Variants in PTPRK observed in about 807,000 individuals in gnomAD.
The protein encoded by PTPRK is receptor-type tyrosine-protein phosphatase kappa.
PTPRK carries 75 observed loss-of-function variants against 178.0 expected under a neutral mutation model. The ratio of observed to expected loss-of-function variants is 0.42; its 90% CI spans 0.35 to 0.51. PTPRK has a LOEUF of 0.51. Among genes scored for constraint, PTPRK ranks in the 20% least tolerant of loss-of-function variants. The probability of loss-of-function intolerance (pLI) is 0.02; values close to 1 mark genes in which losing one functional copy is unlikely to be tolerated. For missense variants in PTPRK, 1,441 were observed against 1,797.8 expected, an observed-to-expected ratio of 0.80 and a Z score of 3.59; for synonymous variants, 637 against 620.6, an observed-to-expected ratio of 1.03 and a Z score of -0.39.
At chr6:128,419,266 A>C (rs1048804251) in intron 1 of PTPRK, among the ~76,000 whole-genome samples, 2 of 152,188 alleles carry the variant, frequency 1.3e-5, no homozygotes, top group African/African-American at 4.8e-5. Context: ...TGGACACTAA[A>C]AGGGGGTAAG....
intron 3 of PTPRK, among the ~76,000 whole-genome samples, chr6:128,246,501 C>T (rs1815488249): frequency 6.6e-6 from 1 of 151,966 alleles, no homozygotes; most frequent in Admixed American, 6.6e-5. Context: ...TTGTCTTTGC[C>T]TCATTAACGA....
intron 2 of PTPRK, among the ~76,000 whole-genome samples, chr6:128,351,328 A>G (rs1426315047): frequency 6.6e-6 from 1 of 152,222 alleles, no homozygotes; most frequent in Non-Finnish European, 1.5e-5. Context: ...GTAGAAAATG[A>G]ACGCGAATTT....
At chr6:128,070,786 T>G (rs185090288) in intron 11 of PTPRK, among the ~76,000 whole-genome samples, 294 of 151,880 alleles carry the variant, frequency 1.9e-3, no homozygotes, top group African/African-American at 6.8e-3. Flanking sequence ...CATTACATTT[T>G]CACATATTAT....
At chr6:128,285,176 A>C (rs1444514133) in intron 3 of PTPRK, among the ~76,000 whole-genome samples, 1 of 152,218 alleles carries the variant, frequency 6.6e-6, no homozygotes, top group African/African-American at 2.4e-5. Context: ...TAATGTTCTC[A>C]GGCCACGCTG....
At chr6:128,379,782 T>C (rs1474883339) in intron 2 of PTPRK, among the ~76,000 whole-genome samples, 2 of 152,194 alleles carry the variant, frequency 1.3e-5, no homozygotes, top group Non-Finnish European at 2.9e-5. Flanking sequence ...ACTAGTTGGC[T>C]AGACAGAGGG....
chr6:128,105,295 T>G (rs1029948591), intron 7 of PTPRK, among the ~76,000 whole-genome samples: 3 of 151,878 alleles, frequency 2.0e-5, no homozygotes, highest in South Asian at 4.2e-4. Flanking sequence ...CACCACGCCC[T>G]GCTATTTTTT....
intron 5 of PTPRK, among the ~76,000 whole-genome samples, chr6:128,221,542 A>G (rs1347436913): frequency 6.6e-6 from 1 of 151,098 alleles, no homozygotes; most frequent in Non-Finnish European, 1.5e-5. Context: ...AAAAAATAAT[A>G]ATAATAATAA....
chr6:128,172,206 C>T (rs923918748), intron 7 of PTPRK, among the ~76,000 whole-genome samples: 5 of 151,978 alleles, frequency 3.3e-5, no homozygotes, highest in African/African-American at 9.7e-5. Context: ...GAATGAATCA[C>T]TAACAATTTT....
chr6:128,398,454 T>C (rs578218833), intron 1 of PTPRK, among the ~76,000 whole-genome samples: 1 of 152,256 alleles, frequency 6.6e-6, no homozygotes, highest in South Asian at 2.1e-4. Context: ...CGGACCCTAT[T>C]CTCCTGCCTC....
At chr6:128,235,586 T>C (rs1353582207) in intron 5 of PTPRK, 4 of 509,602 alleles carry the variant, frequency 7.8e-6, no homozygotes, top group Non-Finnish European at 1.6e-5. Flanking sequence ...TTACCTTCTG[T>C]CAATCACAGT....
intron 2 of PTPRK, among the ~76,000 whole-genome samples, chr6:128,334,923 A>G (rs978009400): frequency 1.3e-5 from 2 of 152,100 alleles, no homozygotes; most frequent in South Asian, 4.1e-4. Flanking sequence ...CCCTGTCTCT[A>G]CTAAAAATAC....
chr6:128,393,177 C>T (rs1043426370), intron 2 of PTPRK, among the ~76,000 whole-genome samples: 5 of 151,378 alleles, frequency 3.3e-5, no homozygotes, highest in African/African-American at 4.8e-5. Flanking sequence ...CTGCAACCTC[C>T]GCCTCCCAGT....
At chr6:128,130,945 G>A (rs1478492410) in intron 7 of PTPRK, among the ~76,000 whole-genome samples, 9 of 152,184 alleles carry the variant, frequency 5.9e-5, no homozygotes, top group Non-Finnish European at 7.3e-5. Context: ...ATTGTTGCAT[G>A]AATGAGTATT....
At chr6:128,085,011 T>C (rs1395112429) in intron 8 of PTPRK, 1 of 152,178 alleles carries the variant, frequency 6.6e-6, no homozygotes, top group East Asian at 1.9e-4. Flanking sequence ...ATACATTGCA[T>C]TGTGGCTAGG....
chr6:128,192,145 C>T (rs1424708353), intron 6 of PTPRK, among the ~76,000 whole-genome samples: 1 of 152,070 alleles, frequency 6.6e-6, no homozygotes, highest in East Asian at 1.9e-4. Flanking sequence ...AAAACTTGAT[C>T]AAAATAATCA....
chr6:128,391,827 ATCT>A (rs1277837516), intron 2 of PTPRK, among the ~76,000 whole-genome samples: 1 of 151,928 alleles, frequency 6.6e-6, no homozygotes, highest in African/African-American at 2.4e-5. Context: ...TTATTACTAA[ATCT>A]TCTCTTATAA....
intron 3 of PTPRK, among the ~76,000 whole-genome samples, chr6:128,276,984 C>T (rs1820816567): frequency 6.6e-6 from 1 of 152,048 alleles, no homozygotes; most frequent in South Asian, 2.1e-4. Context: ...AAGGGCCTCC[C>T]CACTTTGTAG....
chr6:128,036,414 A>C (rs1272960777), intron 13 of PTPRK, among the ~76,000 whole-genome samples: 5 of 152,234 alleles, frequency 3.3e-5, no homozygotes, highest in Non-Finnish European at 4.4e-5. Flanking sequence ...ACAATAAAAT[A>C]ATTTGTTAAG....
intron 21 of PTPRK, 88 bp from the exon 22 acceptor site, chr6:127,985,963 C>A: frequency 7.8e-7 from 1 of 1,282,664 alleles, no homozygotes; most frequent in Non-Finnish European, 1.1e-6. Flanking sequence ...ACAGACCCAA[C>A]TGACAATGAT....
Sources: gnomAD v4.1 joint callset for allele counts (sites outside exome capture counted in the v4.1 genomes callset) on GRCh38, gnomAD v4.1.1 for gene constraint, MANE v1.5 for transcripts, NCBI Gene and HGNC (gene_info 2026-07-23, HGNC 2026-07-21) for gene names.